HDAC9: variants seen among roughly 807,000 people sequenced by gnomAD.
HDAC9 encodes MEF-2 interacting transcription repressor (MITR) protein.
Under a neutral mutation model 139.4 loss-of-function variants are expected in HDAC9, and 41 were observed. That is an observed-to-expected ratio of 0.29 (90% CI 0.23 to 0.38). HDAC9 has a LOEUF of 0.38. Among genes scored for constraint, HDAC9 ranks in the 10% least tolerant of loss-of-function variants. The pLI, the probability that HDAC9 is intolerant of heterozygous loss-of-function variation, is 1.00. For synonymous variants in HDAC9, 517 were observed against 476.2 expected (o/e 1.09, Z -1.12); for missense variants, 1,147 against 1,297.0 (o/e 0.88, Z 1.78).
Position 18,648,605 on chromosome 7 carries a change from T to C in HDAC9, c.1389T>C (p.Ala463=), listed in dbSNP as rs1207086211. 1 of 1,613,426 alleles carries C rather than the reference T, an allele frequency of 6.2e-7. No individual in the cohort carries two copies. Among genetic ancestry groups the C allele is most frequent in the Non-Finnish European group, 8.5e-7 (1 of 1,179,728 alleles). The change falls in exon 11 of 26, where the codon GCT becomes GCC. Residue 463 remains alanine (A), a synonymous_variant. Transcript: ENST00000686413. The part of the protein sequence containing the change: ...QSAPLPQSTL[A]QLVIQQQHQQ... ...CACCTTTGCCTCAGAGCACGTTGGC[T>C]CAGCTGGTCATTCAACAGCAACACC...
At chr7:18,387,504 C>T (rs1334638085) in intron 1 of HDAC9, among the ~76,000 whole-genome samples, 1 of 152,068 alleles carries the variant, frequency 6.6e-6, no homozygotes, top group Admixed American at 6.5e-5. Context: ...TGGGCTTTTC[C>T]CGAAATGCCA....
chr7:18,948,380 T>TA (rs1782553292), intron 23 of HDAC9, among the ~76,000 whole-genome samples: 1 of 152,050 alleles, frequency 6.6e-6, no homozygotes, highest in African/African-American at 2.4e-5. Context: ...GGTAGTTAAT[T>TA]AAAAATCAGT....
chr7:18,243,826 C>T (rs1376183556), intron 2 of HDAC9, among the ~76,000 whole-genome samples: 1 of 152,142 alleles, frequency 6.6e-6, no homozygotes, highest in African/African-American at 2.4e-5. Context: ...AAATGGAATG[C>T]ACCAGTTTCA....
intron 1 of HDAC9, among the ~76,000 whole-genome samples, chr7:18,315,713 C>G (rs1419898490): frequency 6.6e-6 from 1 of 152,186 alleles, no homozygotes; most frequent in East Asian, 1.9e-4. Context: ...GACACCCTCA[C>G]CTTTGGATGT....
At chr7:18,201,587 C>A (rs911973042) in intron 2 of HDAC9, among the ~76,000 whole-genome samples, 4 of 152,162 alleles carry the variant, frequency 2.6e-5, no homozygotes, top group South Asian at 2.1e-4. Context: ...CTGAGAGACT[C>A]CAGGAACCAA....
intron 2 of HDAC9, among the ~76,000 whole-genome samples, chr7:18,216,039 A>G (rs1361659528): frequency 6.6e-6 from 1 of 151,820 alleles, no homozygotes; most frequent in Non-Finnish European, 1.5e-5. Flanking sequence ...TTTTCAGTAA[A>G]TACCACAATT....
Position 18,996,483 on chromosome 7 carries a change from G to C in HDAC9, c.*421G>C, listed in dbSNP as rs1786471711. On this transcript the variant is annotated 3_prime_UTR_variant, in exon 26 of 26. Transcript: ENST00000686413. ...TGACATTCTGATCAGCTTTTTTTGG[G>C]GTAATTTGTTTTTCAAACAGTCTTA... The C allele has an allele frequency of 6.2e-6, 1 of 160,896 alleles. No individual in the cohort carries two copies. Among genetic ancestry groups the C allele is most frequent in the East Asian group, 1.8e-4 (1 of 5,456 alleles). The allele number at this position is 160,896 out of a possible 1,614,324, so 10.0% of individuals were successfully genotyped here.
At chr7:18,773,504 T>C (rs1790499974) in intron 16 of HDAC9, among the ~76,000 whole-genome samples, 1 of 151,992 alleles carries the variant, frequency 6.6e-6, no homozygotes, top group African/African-American at 2.4e-5. Context: ...CCTTAGGCTC[T>C]GCAGTTGCTG....
chr7:18,150,834 A>AT (rs1414102496), intron 1 of HDAC9, among the ~76,000 whole-genome samples: 1 of 152,134 alleles, frequency 6.6e-6, no homozygotes, highest in Non-Finnish European at 1.5e-5. Context: ...TTTTTTCACT[A>AT]TTTTTTTCTT....
chr7:18,910,295 C>T (rs1563048383), intron 22 of HDAC9, among the ~76,000 whole-genome samples: 1 of 151,804 alleles, frequency 6.6e-6, no homozygotes, highest in Non-Finnish European at 1.5e-5. Flanking sequence ...AATATTTTCT[C>T]ATATATTTTT....
intron 2 of HDAC9, among the ~76,000 whole-genome samples, chr7:18,227,864 G>A (rs756047991): frequency 1.6e-4 from 24 of 152,046 alleles, no homozygotes; most frequent in African/African-American, 4.4e-4. Context: ...AGTGCCTATC[G>A]GATGAATTAT....
chr7:18,729,323 T>C (rs187468333), intron 13 of HDAC9, among the ~76,000 whole-genome samples: 518 of 151,820 alleles, frequency 3.4e-3, no homozygotes, highest in African/African-American at 0.012. Context: ...ATATTAAAAA[T>C]AAATTCCTTA....
chr7:18,724,798 G>A (rs955269956), intron 12 of HDAC9, among the ~76,000 whole-genome samples: 14 of 152,046 alleles, frequency 9.2e-5, no homozygotes, highest in Admixed American at 7.9e-4. Context: ...GCATAAAAAA[G>A]GTTCTGCACA....
At chr7:18,506,389 T>A (rs1359688333) in intron 2 of HDAC9, among the ~76,000 whole-genome samples, 1 of 152,226 alleles carries the variant, frequency 6.6e-6, no homozygotes, top group African/African-American at 2.4e-5. Context: ...AAGCTCTCCA[T>A]TTGGTGTTAA....
intron 12 of HDAC9, among the ~76,000 whole-genome samples, chr7:18,695,334 T>C (rs1782966580): frequency 1.3e-5 from 2 of 152,226 alleles, no homozygotes; most frequent in South Asian, 4.1e-4. Context: ...TGGAATCATG[T>C]GGGAATGTTG....
Position 18,835,884 on chromosome 7 carries a change from G to T in HDAC9, c.2587-16G>T, listed in dbSNP as rs932409793. 1.3e-6 allele frequency: 2 copies of T among 1,514,558 alleles called. No individual in the cohort carries two copies. The highest frequency in any genetic ancestry group is 1.8e-6 in the Non-Finnish European group (2 of 1,114,770). 93.8% of individuals were successfully genotyped at this position (1,514,558 alleles called of 1,614,324 possible). ...CTCTCTTCTCTGCCCACCGTGGTGT[G>T]TCTTTCTCTTCCCAGGTTGGAACAG... On this transcript the variant is annotated splice_polypyrimidine_tract_variant and intron_variant, in intron 20 of 25. Coordinates refer to ENST00000686413, the MANE Select transcript of HDAC9 (RefSeq NM_178425.4).
chr7:18,733,078 T>C (rs1040828510), intron 13 of HDAC9, among the ~76,000 whole-genome samples: 24 of 146,176 alleles, frequency 1.6e-4, no homozygotes, highest in African/African-American at 6.0e-4. Flanking sequence ...TATACACATG[T>C]ATACACATAT....
At chr7:18,832,557 T>A (rs1487016658) in intron 19 of HDAC9, among the ~76,000 whole-genome samples, 1 of 152,138 alleles carries the variant, frequency 6.6e-6, no homozygotes, top group Non-Finnish European at 1.5e-5. Flanking sequence ...TTTTGGGAGT[T>A]TTAATGTTTC....
chr7:18,806,281 T>C (rs1033471190), intron 17 of HDAC9, among the ~76,000 whole-genome samples: 6 of 152,226 alleles, frequency 3.9e-5, no homozygotes, highest in Admixed American at 1.3e-4. Context: ...ATTTATTCTT[T>C]TCAGTCCTGG....
Sources: allele counts gnomAD v4.1 joint callset (sites outside exome capture counted in the v4.1 genomes callset), GRCh38; gene constraint gnomAD v4.1.1; transcripts MANE v1.5; gene names NCBI Gene and HGNC (gene_info 2026-07-23, HGNC 2026-07-21).